Variants in ERGIC2 observed in about 807,000 individuals in gnomAD.
ERGIC2 encodes the protein endoplasmic reticulum-Golgi intermediate compartment protein 2.
Under a neutral mutation model 52.5 loss-of-function variants are expected in ERGIC2, and 31 were observed. The observed-to-expected ratio is 0.59, with a 90% CI of 0.44 to 0.80. The LOEUF (loss-of-function observed/expected upper bound fraction) is 0.80. ERGIC2 is among the 30% of genes least tolerant of loss of function. ERGIC2 has a pLI of 0.00. For missense variants in ERGIC2, 395 were observed against 455.2 expected (o/e 0.87, Z 1.20); for synonymous variants, 129 against 140.6 (o/e 0.92, Z 0.58).
At chr12:29,341,270 T>A in intron 13 of ERGIC2, 52 bp from the exon 14 acceptor site, 1 of 1,377,490 alleles carries the variant, frequency 7.3e-7, no homozygotes, top group South Asian at 1.2e-5. Context: ...TTATTCCTTA[T>A]ACTCTTTCCT....
At chr12:29,373,621 G>A (rs1056799736) in intron 1 of ERGIC2, among the ~76,000 whole-genome samples, 2 of 152,182 alleles carry the variant, frequency 1.3e-5, no homozygotes, top group African/African-American at 2.4e-5. Context: ...CAGTCCAGCA[G>A]GGAGCTACTA....
At chr12:29,352,800 T>C (rs1565538225) in intron 8 of ERGIC2, among the ~76,000 whole-genome samples, 1 of 151,854 alleles carries the variant, frequency 6.6e-6, no homozygotes, top group Non-Finnish European at 1.5e-5. Flanking sequence ...CTTTGTTCTG[T>C]TATACACTGT....
chr12:29,341,251 G>T, intron 13 of ERGIC2, 33 bp from the exon 14 acceptor site: 4 of 1,539,082 alleles, frequency 2.6e-6, no homozygotes, highest in Middle Eastern at 1.7e-4. Context: ...AAAGACCAAA[G>T]AATTAGTTTT....
intron 5 of ERGIC2, among the ~76,000 whole-genome samples, chr12:29,364,907 A>G (rs1940336839): frequency 6.6e-6 from 1 of 151,862 alleles, no homozygotes; most frequent in Non-Finnish European, 1.5e-5. Flanking sequence ...ATGAGAGGCC[A>G]TCTCACACCA....
chr12:29,372,720 T>A (rs1940459866), intron 1 of ERGIC2: 1 of 151,732 alleles, frequency 6.6e-6, no homozygotes, highest in Non-Finnish European at 1.5e-5. Context: ...AGTGGCGTGA[T>A]CTCAACTCAC....
At chr12:29,368,099 T>C (rs565794502) in intron 4 of ERGIC2, 142 bp downstream of exon 4, 3 of 631,170 alleles carry the variant, frequency 4.8e-6, no homozygotes, top group Admixed American at 3.2e-5. Flanking sequence ...GTAAAACAAT[T>C]TGTATTATTA....
At chr12:29,372,209 G>T (rs1225737323) in intron 1 of ERGIC2, among the ~76,000 whole-genome samples, 5 of 152,090 alleles carry the variant, frequency 3.3e-5, no homozygotes, top group African/African-American at 1.2e-4. Flanking sequence ...CAGGTGTGGT[G>T]GCACGTGCCT....
At position 29,368,852 on chromosome 12, in the gene ERGIC2, A is replaced by G. The variant is rs139275770; in HGVS notation, c.216-565T>C. 2.8e-3 allele frequency among the ~76,000 whole-genome samples: 420 copies of G among 152,040 alleles called. 4 individuals are homozygous for G. Among genetic ancestry groups the G allele is most frequent in the African/African-American group, 9.0e-3 (374 of 41,564 alleles). ...CCATTAAAGTGGCATACTGGAAACT[A>G]GGTCTATGTAACTCAGGATAAATGC... On this transcript the variant is annotated intron_variant, in intron 3 of 13. Coordinates refer to ENST00000360150, the MANE Select transcript of ERGIC2 (RefSeq NM_016570.3).
chr12:29,338,905 G>C lies in ERGIC2; in HGVS notation c.*2251C>G, dbSNP rs1949817490. On this transcript the variant is annotated 3_prime_UTR_variant, in exon 14 of 14. Coordinates refer to ENST00000360150, the MANE Select transcript of ERGIC2 (RefSeq NM_016570.3). ...ACAAAAAGGAGAATTGGGTAACAAA[G>C]TAGGGTATCCTGGCTGGAGGCACCT... 1 of 152,156 alleles carries C rather than the reference G, an allele frequency of 6.6e-6. No individual in the cohort carries two copies. The highest frequency in any genetic ancestry group is 1.5e-5 in the Non-Finnish European group (1 of 68,020). The allele number at this position is 152,156 out of a possible 1,614,324, so 9.4% of individuals were successfully genotyped here. A position where few individuals can be genotyped will look rare whatever the true frequency, so the allele number is the denominator to read the frequency against.
intron 13 of ERGIC2, among the ~76,000 whole-genome samples, 155 bp from the exon 14 acceptor site, chr12:29,341,373 C>G (rs1949838898): frequency 6.6e-6 from 1 of 151,778 alleles, no homozygotes; most frequent in African/African-American, 2.4e-5. Context: ...ATCTCTCTAT[C>G]TCTATCTTTT....
intron 5 of ERGIC2, among the ~76,000 whole-genome samples, chr12:29,366,133 G>T (rs962329709): frequency 2.0e-5 from 3 of 151,888 alleles, no homozygotes; most frequent in Non-Finnish European, 2.9e-5. Flanking sequence ...CAATGATTAA[G>T]AAAAGGAACT....
At chr12:29,346,744 T>A (rs1461580190) in intron 10 of ERGIC2, among the ~76,000 whole-genome samples, 1 of 152,170 alleles carries the variant, frequency 6.6e-6, no homozygotes, top group Non-Finnish European at 1.5e-5. Context: ...TCTCTAAGTT[T>A]GACACAAGTT....
At chr12:29,356,320 A>G in intron 8 of ERGIC2, 62 bp downstream of exon 8, 1 of 1,017,600 alleles carries the variant, frequency 9.8e-7, no homozygotes, top group Non-Finnish European at 1.6e-6. Flanking sequence ...ATCGGCCAGA[A>G]TTTACTTTTA....
intron 6 of ERGIC2, among the ~76,000 whole-genome samples, chr12:29,358,465 C>A (rs12824407): frequency 0.14 from 21,717 of 151,946 alleles, 1,585 homozygotes; most frequent in Middle Eastern, 0.24. Context: ...GATACATGTC[C>A]TTATACATTT....
chr12:29,361,120 T>C (rs1036103227), intron 6 of ERGIC2, among the ~76,000 whole-genome samples: 1 of 151,998 alleles, frequency 6.6e-6, no homozygotes, highest in African/African-American at 2.4e-5. Context: ...TGGTGGTGTG[T>C]GCCTGTAGTG....
At chr12:29,355,801 T>C (rs1317141404) in intron 8 of ERGIC2, among the ~76,000 whole-genome samples, 1 of 152,112 alleles carries the variant, frequency 6.6e-6, no homozygotes, top group African/African-American at 2.4e-5. Flanking sequence ...ACCTGGCAAG[T>C]AGAAGGCTGT....
At position 29,381,115 on chromosome 12, in the gene ERGIC2, C is replaced by T. The variant is rs1204955999; in HGVS notation, c.-38G>A. 2 of 152,196 alleles carry T rather than the reference C, an allele frequency of 1.3e-5. No homozygotes were observed. Among genetic ancestry groups the T allele is most frequent in the African/African-American group, 4.8e-5 (2 of 41,438 alleles). The allele number at this position is 152,196 out of a possible 1,614,324, so 9.4% of individuals were successfully genotyped here. ...ACCCAGCGGTGTTTCAGTATTTTAC[C>T]TTGTGTTATGGTCCCAGCCTACCGC... On this transcript the variant is annotated splice_region_variant and 5_prime_UTR_variant, in exon 1 of 14. Transcript: ENST00000360150.
chr12:29,346,094 A>G (rs1285654734), intron 10 of ERGIC2, among the ~76,000 whole-genome samples: 1 of 152,098 alleles, frequency 6.6e-6, no homozygotes, highest in Non-Finnish European at 1.5e-5. Context: ...GATGGGCAAC[A>G]CAGATGTTTA....
intron 8 of ERGIC2, among the ~76,000 whole-genome samples, chr12:29,355,546 A>C (rs1307842622): frequency 1.3e-5 from 2 of 152,182 alleles, no homozygotes; most frequent in Admixed American, 1.3e-4. Context: ...TCATTCAAAA[A>C]TTTCACAAGT....
Sources: gnomAD v4.1 joint callset for allele counts (sites outside exome capture counted in the v4.1 genomes callset) on GRCh38, gnomAD v4.1.1 for gene constraint, MANE v1.5 for transcripts, NCBI Gene and HGNC (gene_info 2026-07-23, HGNC 2026-07-21) for gene names.